Variants in ZBBX observed in about 807,000 individuals in gnomAD.
The protein encoded by ZBBX is zinc finger B-box domain-containing protein 1.
A neutral mutation model predicts 108.5 loss-of-function variants in ZBBX; 101 were observed. That is an observed-to-expected ratio of 0.93 (90% confidence interval 0.79 to 1.10). ZBBX has a LOEUF of 1.10. Among genes scored for constraint, ZBBX ranks in the 50% least tolerant of loss-of-function variants. The pLI is 0.00. For synonymous variants in ZBBX, 356 were observed against 323.4 expected, an observed-to-expected ratio of 1.10 and a Z score of -1.08; for missense variants, 1,009 against 941.4, an observed-to-expected ratio of 1.07 and a Z score of -0.94.
chr3:167,242,603 G>C lies in ZBBX; in HGVS notation c.2295C>G (p.Phe765Leu). ...EKLYSLTSEEFPDFSSQSLNI... is the reference protein window; with the variant it reads ...EKLYSLTSEELPDFSSQSLNI... ...TCAGTGATTGGCTGCTGAAATCTGG[G>C]AACTCTTCTGAGGTTAAGCTGTAAA... The change falls in exon 21 of 22, where the codon TTC becomes TTG. Residue 765 changes from phenylalanine to leucine, a missense_variant. Phe to Leu is a conservative substitution (Grantham distance 22). Transcript: ENST00000675490. 6.2e-7 allele frequency: 1 copy of C among 1,613,558 alleles called. No homozygotes were observed. Among genetic ancestry groups the C allele is most frequent in the Non-Finnish European group, 8.5e-7 (1 of 1,179,812 alleles).
At chr3:167,376,030 C>T (rs1460553834) in intron 2 of ZBBX, among the ~76,000 whole-genome samples, 2 of 152,108 alleles carry the variant, frequency 1.3e-5, no homozygotes, top group African/African-American at 4.8e-5. Context: ...GGGAAATCCA[C>T]AAAAGCAACC....
chr3:167,241,063 T>C, intron 21 of ZBBX, 144 bp from the exon 22 acceptor site: 1 of 799,982 alleles, frequency 1.3e-6, no homozygotes, highest in African/African-American at 1.8e-5. Flanking sequence ...GCCATAATTT[T>C]CAATGTGCCC....
intron 20 of ZBBX, among the ~76,000 whole-genome samples, chr3:167,260,158 G>A (rs965467251): frequency 2.2e-4 from 34 of 152,104 alleles, no homozygotes; most frequent in African/African-American, 5.8e-4. Context: ...TGAAGATAGG[G>A]CCCCAATCCC....
chr3:167,353,474 AG>A lies in ZBBX; in HGVS notation c.433-2960del, dbSNP rs1049719960. Among the ~76,000 whole-genome samples the A allele has an allele frequency of 7.0e-4, 106 of 152,042 alleles. 4 individuals are homozygous for A. Among genetic ancestry groups the A allele is most frequent in the Non-Finnish European group, 2.2e-4 (15 of 67,932 alleles). ...AACTAAACACATGGACATACAGAGT[AG>A]AAAAATAGACACTGGACACTCCATA... On this transcript the variant is annotated intron_variant, in intron 8 of 21. Coordinates refer to ENST00000675490, the MANE Select transcript of ZBBX (RefSeq NM_001199201.2).
chr3:167,348,755 T>C (rs1742146453), intron 9 of ZBBX, among the ~76,000 whole-genome samples: 1 of 152,068 alleles, frequency 6.6e-6, no homozygotes, highest in East Asian at 1.9e-4. Context: ...TATATATATA[T>C]GAAGTGTATA....
intron 20 of ZBBX, among the ~76,000 whole-genome samples, chr3:167,249,247 G>T (rs114625483): frequency 2.6e-5 from 4 of 152,176 alleles, no homozygotes; most frequent in Non-Finnish European, 5.9e-5. Flanking sequence ...TTCTATAGAC[G>T]TGAGGACAGA....
At chr3:167,220,064 G>A in the ZBBX span, among the ~76,000 whole-genome samples, 109 of 151,780 alleles carry the variant, frequency 7.2e-4, 2 homozygotes, top group Admixed American at 4.7e-3. Context: ...ATCCAAAACC[G>A]GAACAGACCA....
At chr3:167,265,049 G>A (rs1576814301) in intron 20 of ZBBX, among the ~76,000 whole-genome samples, 4 of 152,320 alleles carry the variant, frequency 2.6e-5, no homozygotes, top group Admixed American at 2.0e-4. Flanking sequence ...AGGTCCCCAC[G>A]AACCTGCTTG....
intron 1 of ZBBX, among the ~76,000 whole-genome samples, chr3:167,386,929 C>T (rs1486285385): frequency 6.6e-6 from 1 of 151,976 alleles, no homozygotes; most frequent in East Asian, 1.9e-4. Context: ...CAACTTTATT[C>T]TCTTACAGTT....
intron 6 of ZBBX, among the ~76,000 whole-genome samples, chr3:167,362,604 T>C (rs1387454142): frequency 1.3e-5 from 2 of 152,158 alleles, no homozygotes; most frequent in Non-Finnish European, 2.9e-5. Flanking sequence ...TAGTCATTTA[T>C]GTATCTTATG....
At chr3:167,389,606 G>A (rs535031384) in intron 1 of ZBBX, among the ~76,000 whole-genome samples, 3 of 152,130 alleles carry the variant, frequency 2.0e-5, no homozygotes, top group Non-Finnish European at 2.9e-5. Flanking sequence ...CAGTGTAAAA[G>A]TGTTCCTATG....
chr3:167,293,211 T>C (rs1293044121), intron 18 of ZBBX, among the ~76,000 whole-genome samples: 1 of 152,158 alleles, frequency 6.6e-6, no homozygotes, highest in Non-Finnish European at 1.5e-5. Flanking sequence ...GAGGCCAGCA[T>C]CATCCTGATA....
At chr3:167,298,984 T>G (rs1732155499) in intron 17 of ZBBX, among the ~76,000 whole-genome samples, 1 of 152,060 alleles carries the variant, frequency 6.6e-6, no homozygotes. Flanking sequence ...ATGACGTTTA[T>G]ATAGCTAGAA....
intron 20 of ZBBX, among the ~76,000 whole-genome samples, chr3:167,242,892 T>C (rs560143953): frequency 6.6e-6 from 1 of 151,326 alleles, no homozygotes; most frequent in South Asian, 2.1e-4. Context: ...ATAACATGTG[T>C]CAAATGTCCT....
the ZBBX span, among the ~76,000 whole-genome samples, chr3:167,187,889 G>A: frequency 2.0e-5 from 3 of 152,052 alleles, no homozygotes; most frequent in East Asian, 5.8e-4. Context: ...CACACAACAG[G>A]AACTTACCAG....
At chr3:167,405,915 C>G (rs1360873890) in intron 1 of ZBBX, among the ~76,000 whole-genome samples, 1 of 152,038 alleles carries the variant, frequency 6.6e-6, no homozygotes, top group Admixed American at 6.6e-5. Context: ...ACTAAAAATA[C>G]AAAACCCTGG....
At chr3:167,403,166 A>G (rs1463582401) in intron 1 of ZBBX, among the ~76,000 whole-genome samples, 4 of 152,136 alleles carry the variant, frequency 2.6e-5, no homozygotes, top group Non-Finnish European at 5.9e-5. Flanking sequence ...CTGAAATCCA[A>G]AGGGAAAGAA....
chr3:167,343,632 C>T (rs1740933196), intron 9 of ZBBX, among the ~76,000 whole-genome samples: 1 of 151,870 alleles, frequency 6.6e-6, no homozygotes. Context: ...AGATGTTTGA[C>T]ATCATTAGTC....
chr3:167,313,345 G>A lies in ZBBX; in HGVS notation c.1417+629C>T, dbSNP rs147623802. 4.5e-3 allele frequency among the ~76,000 whole-genome samples: 683 copies of A among 151,858 alleles called. 5 individuals are homozygous for A. The highest frequency in any genetic ancestry group is 0.016 in the African/African-American group (657 of 41,384). On this transcript the variant is annotated intron_variant, in intron 16 of 21. Coordinates refer to ENST00000675490, the MANE Select transcript of ZBBX (RefSeq NM_001199201.2). ...GGCTGGAGTGCAACGGTGTGATCTC[G>A]GCTTACCGCAACCTCTGCCTCCTGG...
Sources: allele counts gnomAD v4.1 joint callset (sites outside exome capture counted in the v4.1 genomes callset), GRCh38; gene constraint gnomAD v4.1.1; transcripts MANE v1.5; gene names NCBI Gene and HGNC (gene_info 2026-07-23, HGNC 2026-07-21).